The following UTP20 variants were observed in gnomAD, a reference collection of about 807,000 sequenced individuals.
UTP20 encodes the protein UTP20 small subunit processome component.
Under a neutral mutation model 329.5 loss-of-function variants are expected in UTP20, and 164 were observed. The observed-to-expected ratio is 0.50, with a 90% CI of 0.44 to 0.57. The LOEUF is 0.57. UTP20 is among the 20% of genes least tolerant of loss of function. The pLI is 0.00. For missense variants in UTP20, 3,055 were observed against 3,284.2 expected (o/e 0.93, Z 1.71); for synonymous variants, 1,151 against 1,159.3 (o/e 0.99, Z 0.14).
At chr12:101,345,367 T>G (rs901948649) in intron 36 of UTP20, among the ~76,000 whole-genome samples, 187 bp from the exon 37 acceptor site, 3 of 151,910 alleles carry the variant, frequency 2.0e-5, no homozygotes, top group African/African-American at 7.3e-5. Context: ...TTGTATTTTT[T>G]GTAGAGACAG....
At chr12:101,290,046 A>G in intron 6 of UTP20, 91 bp from the exon 7 acceptor site, 1 of 1,018,858 alleles carries the variant, frequency 9.8e-7, no homozygotes, top group East Asian at 2.8e-5. Flanking sequence ...GTATATTTAA[A>G]TAACAATATA....
At position 101,281,009 on chromosome 12, in the gene UTP20, C is replaced by T. The variant is rs561606452; in HGVS notation, c.46-107C>T. Reference sequence around the variant, plus strand: ...CCGTATGTTTTTCAGTTTATTTTTCCACTTATCCTTTGTGATTAGAGATGC... The same window carrying T: ...CCGTATGTTTTTCAGTTTATTTTTCTACTTATCCTTTGTGATTAGAGATGC... On this transcript the variant is annotated intron_variant, in intron 1 of 61. Transcript: ENST00000261637. 69 of 900,530 alleles carry T rather than the reference C, an allele frequency of 7.7e-5. No homozygotes were observed. In the Middle Eastern group the frequency reaches 1.0e-3, roughly 13 times the overall value. 55.8% of individuals were successfully genotyped at this position (900,530 alleles called of 1,614,324 possible). A position where few individuals can be genotyped will look rare whatever the true frequency, so the allele number is the denominator to read the frequency against.
intron 48 of UTP20, among the ~76,000 whole-genome samples, chr12:101,369,084 G>A (rs1045729985): frequency 2.6e-5 from 4 of 152,144 alleles, no homozygotes; most frequent in East Asian, 1.9e-4. Context: ...AATTGTTCCC[G>A]TGCCTGATTT....
At position 101,317,522 on chromosome 12, in the gene UTP20, A is replaced by T. The variant is rs1274826256; in HGVS notation, c.2597A>T (p.Asp866Val). The T allele has an allele frequency of 6.2e-7, 1 of 1,614,168 alleles. No homozygotes were observed. The highest frequency in any genetic ancestry group is 2.2e-5 in the East Asian group (1 of 44,878). The change falls in exon 22 of 62, where the codon GAT becomes GTT. Residue 866 changes from aspartate to valine, a missense_variant. By Grantham distance (152) the Asp-to-Val change is radical. Around this residue, in one of 3 missense-constraint regions of UTP20, gnomAD observed 2,445 missense variants for 2,575.5 expected, o/e 0.95. Transcript: ENST00000261637. ...GATCTGCAAGTTGCTCCAACCCAGG[A>T]TCTACGGAGAAAAGGCAAAGGGATG... ...PADLQVAPTQ[D>V]LRRKGKGMVA...
At chr12:101,375,848 GA>G in intron 56 of UTP20, 92 bp downstream of exon 56, 4 of 762,296 alleles carry the variant, frequency 5.2e-6, no homozygotes, top group South Asian at 1.9e-5. Context: ...GAATACTTCA[GA>G]AAGTATACAA....
intron 12 of UTP20, among the ~76,000 whole-genome samples, chr12:101,296,109 A>G (rs942898448): frequency 1.3e-5 from 2 of 152,252 alleles, no homozygotes; most frequent in African/African-American, 2.4e-5. Context: ...GGTGCAATCC[A>G]TCAATCTTAT....
chr12:101,346,848 A>G (rs1266399809), intron 38 of UTP20, among the ~76,000 whole-genome samples: 3 of 152,242 alleles, frequency 2.0e-5, no homozygotes, highest in Non-Finnish European at 4.4e-5. Flanking sequence ...TCCCATTATT[A>G]AAATTGCATA....
At chr12:101,281,906 T>C (rs557279106) in intron 2 of UTP20, among the ~76,000 whole-genome samples, 14 of 152,200 alleles carry the variant, frequency 9.2e-5, no homozygotes, top group Admixed American at 8.5e-4. Context: ...GGTTTTGACA[T>C]GTTGGCCAGG....
rs1394112043 is a variant in UTP20 at position 101,365,627 on chromosome 12, T to A, written c.6125+2T>A. 1 of 1,554,656 alleles carries A rather than the reference T, an allele frequency of 6.4e-7. No individual in the cohort carries two copies. The highest frequency in any genetic ancestry group is 8.7e-7 in the Non-Finnish European group (1 of 1,156,010). On this transcript the variant is annotated splice_donor_variant, in intron 46 of 61. Transcript: ENST00000261637. LOFTEE classifies it high-confidence loss of function. ...TCCCCTGTTAACAGAGAAAGAAAAG[T>A]AAGTTGGAAAAAAAACAAACTGTCA...
chr12:101,349,691 A>G (rs1320527238), intron 38 of UTP20, among the ~76,000 whole-genome samples: 2 of 151,976 alleles, frequency 1.3e-5, no homozygotes, highest in African/African-American at 2.4e-5. Context: ...TCCACCCACC[A>G]TGGCCTCCCA....
At chr12:101,367,334 A>G (rs1418658119) in intron 47 of UTP20, among the ~76,000 whole-genome samples, 2 of 152,176 alleles carry the variant, frequency 1.3e-5, no homozygotes, top group African/African-American at 4.8e-5. Flanking sequence ...TTTTAAAAGC[A>G]TAAATCTAAT....
chr12:101,318,029 G>A (rs1873030703), intron 22 of UTP20, among the ~76,000 whole-genome samples: 1 of 152,112 alleles, frequency 6.6e-6, no homozygotes, highest in African/African-American at 2.4e-5. Flanking sequence ...AACATGTAAT[G>A]GAACATCCTT....
In UTP20 at chr12:101,366,633, A is replaced by G. The variant is rs200018010; in HGVS notation, c.6201A>G (p.Arg2067=). The G allele has an allele frequency of 1.2e-6, 2 of 1,614,122 alleles. No homozygotes were observed. The highest frequency in any genetic ancestry group is 1.7e-6 in the Non-Finnish European group (2 of 1,180,010). ...TTCTGCTTCCCCCAACTCCAGTTCG[A>G]GGTGGACAGAAAGCTGTTGTGAGCA... ...SCLLLPPTPV[R]GGQKAVVSRK... The change falls in exon 47 of 62, where the codon CGA becomes CGG. Residue 2067 remains arginine (R), a synonymous_variant. Coordinates refer to ENST00000261637, the MANE Select transcript of UTP20 (RefSeq NM_014503.3).
chr12:101,319,490 G>T, intron 22 of UTP20, 55 bp from the exon 23 acceptor site: 2 of 1,404,764 alleles, frequency 1.4e-6, no homozygotes, highest in African/African-American at 1.4e-5. Context: ...GTCAGTTTAA[G>T]AAAATGATCT....
At chr12:101,379,945 G>A (rs920006849) in intron 57 of UTP20, among the ~76,000 whole-genome samples, 1 of 151,742 alleles carries the variant, frequency 6.6e-6, no homozygotes, top group South Asian at 2.1e-4. Context: ...TCAGCCTCCC[G>A]GGTACCTGGG....
intron 43 of UTP20, among the ~76,000 whole-genome samples, chr12:101,360,960 A>C (rs758298727): frequency 2.0e-5 from 3 of 152,192 alleles, no homozygotes; most frequent in Admixed American, 6.5e-5. Flanking sequence ...ATTTCACAGC[A>C]CTAGAAGCAG....
chr12:101,290,121 C>T lies in UTP20; in HGVS notation c.598-16C>T, dbSNP rs762006047. 6.6e-7 allele frequency: 1 copy of T among 1,512,480 alleles called. No individual in the cohort carries two copies. The highest frequency in any genetic ancestry group is 1.2e-5 in the South Asian group (1 of 82,260). 93.7% of individuals were successfully genotyped at this position (1,512,480 alleles called of 1,614,324 possible). A position where few individuals can be genotyped will look rare whatever the true frequency, so the allele number is the denominator to read the frequency against. On this transcript the variant is annotated splice_polypyrimidine_tract_variant and intron_variant, in intron 6 of 61. Coordinates refer to ENST00000261637, the MANE Select transcript of UTP20 (RefSeq NM_014503.3). ...TGTTTGTGAATATAATTTTCCATTT[C>T]TACTTTATATTTTAGGTCTCTGATA...
chr12:101,372,802 A>T lies in UTP20; in HGVS notation c.6799-82A>T, dbSNP rs565045705. ...TTCTGTAAAGTTTTTATAACCTACC[A>T]GTGAGTTCCAGAAAGCAGCTTAGGA... On this transcript the variant is annotated intron_variant, in intron 51 of 61. Coordinates refer to ENST00000261637, the MANE Select transcript of UTP20 (RefSeq NM_014503.3). The T allele has an allele frequency of 3.5e-4, 393 of 1,115,868 alleles. 5 individuals carry two copies. In the South Asian group the frequency reaches 4.8e-3, roughly 14 times the overall value. The allele number at this position is 1,115,868 out of a possible 1,614,324, so 69.1% of individuals were successfully genotyped here.
chr12:101,350,385 A>C (rs1259888187), intron 38 of UTP20, among the ~76,000 whole-genome samples: 1 of 152,008 alleles, frequency 6.6e-6, no homozygotes, highest in East Asian at 1.9e-4. Flanking sequence ...TGCCCAGGCT[A>C]GTCTCAAGTG....
Sources: allele counts gnomAD v4.1 joint callset (sites outside exome capture counted in the v4.1 genomes callset), GRCh38; gene constraint gnomAD v4.1.1; regional missense constraint gnomAD v4.1.1; transcripts MANE v1.5; gene names NCBI Gene and HGNC (gene_info 2026-07-23, HGNC 2026-07-21).